ZFPM2: variants seen among roughly 807,000 people sequenced by gnomAD.
ZFPM2 encodes the protein zinc finger protein ZFPM2.
ZFPM2 carries 20 observed loss-of-function variants against 98.6 expected under a neutral mutation model. The observed-to-expected ratio is 0.20, with a 90% CI of 0.14 to 0.29. ZFPM2 has a LOEUF of 0.29. ZFPM2 is among the 10% of genes least tolerant of loss of function. ZFPM2 has a pLI of 1.00. For synonymous variants in ZFPM2, 518 were observed against 502.7 expected, an observed-to-expected ratio of 1.03 and a Z score of -0.41; for missense variants, 1,310 against 1,388.6, an observed-to-expected ratio of 0.94 and a Z score of 0.90.
rs16873741 is a variant in ZFPM2, at chr8:105,803,246, C to T, written c.3164C>T (p.Ala1055Val). Reference sequence around the variant, plus strand: ...GGACTGAAACAAGATGAGAGACCTGCTGCCAACCCACAGCAAGAGAACATT... The same window carrying T: ...GGACTGAAACAAGATGAGAGACCTGTTGCCAACCCACAGCAAGAGAACATT... Reference protein sequence around the residue: ...NGGLKQDERPAANPQQENISQ... With the variant: ...NGGLKQDERPVANPQQENISQ... Residue 1055 changes from alanine to valine, a missense_variant, in exon 8 of 8, where the codon GCT becomes GTT. Transcript: ENST00000407775. 17,242 of 1,604,796 alleles carry T rather than the reference C, an allele frequency of 0.011. 1,516 individuals are homozygous for T. The African/African-American group carries it at 0.2, about 18-fold the overall frequency.
At chr8:105,439,730 T>C (rs188010896) in intron 2 of ZFPM2, among the ~76,000 whole-genome samples, 5 of 152,298 alleles carry the variant, frequency 3.3e-5, no homozygotes, top group African/African-American at 1.2e-4. Context: ...TGTTTCAAGA[T>C]TCATAAGGAA....
intron 5 of ZFPM2, among the ~76,000 whole-genome samples, chr8:105,683,872 A>G (rs1317355856): frequency 7.2e-5 from 11 of 152,132 alleles, no homozygotes; most frequent in Non-Finnish European, 1.6e-4. Flanking sequence ...CTCCGTTGTC[A>G]AAGACTGTGT....
chr8:105,740,542 T>TA (rs1491535612), intron 5 of ZFPM2, among the ~76,000 whole-genome samples: 1 of 145,346 alleles, frequency 6.9e-6, no homozygotes, highest in South Asian at 2.1e-4. Flanking sequence ...TATATATATA[T>TA]TATATATATA....
chr8:105,652,905 A>G (rs1384450330), intron 5 of ZFPM2, among the ~76,000 whole-genome samples: 1 of 152,200 alleles, frequency 6.6e-6, no homozygotes, highest in African/African-American at 2.4e-5. Flanking sequence ...GGCCTTAAGT[A>G]AAATAGCAAT....
At chr8:105,665,474 G>A (rs1417633760) in intron 5 of ZFPM2, among the ~76,000 whole-genome samples, 1 of 152,152 alleles carries the variant, frequency 6.6e-6, no homozygotes, top group Non-Finnish European at 1.5e-5. Flanking sequence ...CTCTGAGATA[G>A]CCTGAGTTTT....
intron 4 of ZFPM2, among the ~76,000 whole-genome samples, chr8:105,632,422 G>A (rs1479269076): frequency 6.6e-6 from 1 of 151,926 alleles, no homozygotes; most frequent in African/African-American, 2.4e-5. Context: ...CATCCACTTC[G>A]GCCTCCCAAA....
chr8:105,371,140 T>C (rs1249711668), intron 1 of ZFPM2, among the ~76,000 whole-genome samples: 1 of 152,226 alleles, frequency 6.6e-6, no homozygotes, highest in African/African-American at 2.4e-5. Flanking sequence ...TTTAATACTT[T>C]TGTTTTAATA....
At chr8:105,502,649 C>T (rs1424244039) in intron 3 of ZFPM2, among the ~76,000 whole-genome samples, 1 of 152,162 alleles carries the variant, frequency 6.6e-6, no homozygotes, top group Non-Finnish European at 1.5e-5. Flanking sequence ...TTGTGAAGAG[C>T]AAATTGTGCT....
intron 2 of ZFPM2, among the ~76,000 whole-genome samples, chr8:105,440,497 G>A (rs1812213915): frequency 6.6e-6 from 1 of 152,124 alleles, no homozygotes. Context: ...GAAATGGGGT[G>A]TATCAGTAAG....
At position 105,499,252 on chromosome 8, in the gene ZFPM2, GA is replaced by G. The variant is rs550118982; in HGVS notation, c.301+54884del. 4.6e-3 allele frequency among the ~76,000 whole-genome samples: 560 copies of G among 121,552 alleles called. 3 individuals carry two copies. The highest frequency in any genetic ancestry group is 8.6e-3 in the Middle Eastern group (2 of 232). The allele number at this position is 121,552 out of a possible 152,430, so 79.7% of individuals were successfully genotyped here. On this transcript the variant is annotated intron_variant, in intron 3 of 7. Coordinates refer to ENST00000407775, the MANE Select transcript of ZFPM2 (RefSeq NM_012082.4). The stretch of plus-strand genomic sequence containing the variant: ...TTAAGGGCATCTCTTCTAGATTCCA[GA>G]AAAAAAAAAAAAGGGTGGAGCTGGG...
chr8:105,786,146 C>T (rs375623680), intron 5 of ZFPM2, among the ~76,000 whole-genome samples: 1 of 150,782 alleles, frequency 6.6e-6, no homozygotes, highest in African/African-American at 2.4e-5. Context: ...TTAACTTTCA[C>T]ACCTCCTCAT....
At chr8:105,607,271 A>T (rs1192788598) in intron 4 of ZFPM2, among the ~76,000 whole-genome samples, 1 of 152,146 alleles carries the variant, frequency 6.6e-6, no homozygotes, top group Non-Finnish European at 1.5e-5. Flanking sequence ...GATTCTGCCA[A>T]GAAAACCTTA....
intron 5 of ZFPM2, among the ~76,000 whole-genome samples, chr8:105,752,626 A>G (rs1392113104): frequency 6.6e-6 from 1 of 152,158 alleles, no homozygotes; most frequent in Non-Finnish European, 1.5e-5. Flanking sequence ...TAAACAAACA[A>G]TACTTAATCT....
intron 1 of ZFPM2, among the ~76,000 whole-genome samples, chr8:105,328,366 C>T (rs1453373043): frequency 1.3e-5 from 2 of 151,678 alleles, no homozygotes; most frequent in Non-Finnish European, 3.0e-5. Flanking sequence ...CAAAGTGAGG[C>T]AAGAAGACAG....
At chr8:105,498,028 A>G (rs1463140019) in intron 3 of ZFPM2, among the ~76,000 whole-genome samples, 1 of 109,282 alleles carries the variant, frequency 9.2e-6, no homozygotes, top group East Asian at 2.3e-4. Flanking sequence ...CGTCTCTACC[A>G]AAAAAAAAAA....
At chr8:105,500,270 G>A (rs541444096) in intron 3 of ZFPM2, among the ~76,000 whole-genome samples, 1 of 152,244 alleles carries the variant, frequency 6.6e-6, no homozygotes, top group South Asian at 2.1e-4. Context: ...AATAGAATAT[G>A]ACTTTAGAAA....
chr8:105,788,667 G>T, intron 5 of ZFPM2, 51 bp from the exon 6 acceptor site: 1 of 1,565,050 alleles, frequency 6.4e-7, no homozygotes, highest in South Asian at 1.1e-5. Flanking sequence ...GTTTACAACA[G>T]ACTCAAGCAT....
chr8:105,548,896 T>C (rs1176249312), intron 3 of ZFPM2, among the ~76,000 whole-genome samples: 10 of 152,200 alleles, frequency 6.6e-5, no homozygotes, highest in Non-Finnish European at 2.9e-5. Context: ...GTGACTGGCA[T>C]TGTAAGTGTT....
chr8:105,549,695 T>A (rs1319574361), intron 3 of ZFPM2, among the ~76,000 whole-genome samples: 1 of 151,494 alleles, frequency 6.6e-6, no homozygotes, highest in Non-Finnish European at 1.5e-5. Flanking sequence ...CACTGTAGCC[T>A]CCAACTCCTG....
Sources: gnomAD v4.1 joint callset for allele counts (sites outside exome capture counted in the v4.1 genomes callset) on GRCh38, gnomAD v4.1.1 for gene constraint, MANE v1.5 for transcripts, NCBI Gene and HGNC (gene_info 2026-07-23, HGNC 2026-07-21) for gene names.